Variants in AKT3 observed in about 807,000 individuals in gnomAD.
AKT3 encodes the protein RAC-gamma serine/threonine-protein kinase.
AKT3 carries 15 observed loss-of-function variants against 65.3 expected under a neutral mutation model. That is an observed-to-expected ratio of 0.23 (90% CI 0.15 to 0.35). AKT3 has a LOEUF of 0.35. AKT3 is among the 10% of genes least tolerant of loss of function. AKT3 has a pLI of 1.00. For synonymous variants in AKT3, 206 were observed against 183.8 expected, an observed-to-expected ratio of 1.12 and a Z score of -0.98; for missense variants, 243 against 576.5, an observed-to-expected ratio of 0.42 and a Z score of 5.92.
chr1:243,514,011 GTTTTT>G (rs999278690), intron 12 of AKT3, among the ~76,000 whole-genome samples: 3 of 151,866 alleles, frequency 2.0e-5, no homozygotes, highest in Admixed American at 6.6e-5. Context: ...GAACAATTTT[GTTTTT>G]TTTATTTTTT....
intron 4 of AKT3, among the ~76,000 whole-genome samples, chr1:243,650,434 G>T (rs549493222): frequency 6.6e-6 from 1 of 152,102 alleles, no homozygotes; most frequent in African/African-American, 2.4e-5. Context: ...GTCAATTTTC[G>T]CTTTTGTTGC....
At chr1:243,763,149 C>T (rs924698224) in intron 2 of AKT3, among the ~76,000 whole-genome samples, 5 of 152,004 alleles carry the variant, frequency 3.3e-5, no homozygotes, top group African/African-American at 9.7e-5. Context: ...TACTGAAATT[C>T]GCATACATTT....
intron 4 of AKT3, among the ~76,000 whole-genome samples, chr1:243,663,131 A>C (rs1201667695): frequency 2.0e-5 from 3 of 152,234 alleles, no homozygotes; most frequent in African/African-American, 7.2e-5. Context: ...TTAAATGAGC[A>C]AGGAAGCCAT....
chr1:243,806,897 A>C (rs940378545), intron 2 of AKT3, among the ~76,000 whole-genome samples: 1 of 152,152 alleles, frequency 6.6e-6, no homozygotes, highest in Admixed American at 6.5e-5. Flanking sequence ...CTTTCCTTGC[A>C]AATATGGATC....
At chr1:243,830,203 C>A (rs1328989957) in intron 2 of AKT3, among the ~76,000 whole-genome samples, 2 of 152,172 alleles carry the variant, frequency 1.3e-5, no homozygotes, top group African/African-American at 4.8e-5. Flanking sequence ...AGAATCTTTA[C>A]ATGGCATTTG....
At chr1:243,665,037 A>G (rs1198349782) in intron 3 of AKT3, among the ~76,000 whole-genome samples, 154 bp from the exon 4 acceptor site, 1 of 152,180 alleles carries the variant, frequency 6.6e-6, no homozygotes, top group Non-Finnish European at 1.5e-5. Context: ...GCCTGACCTT[A>G]GTCTTCCTTT....
intron 3 of AKT3, among the ~76,000 whole-genome samples, chr1:243,692,280 T>C (rs972695717): frequency 6.6e-6 from 1 of 152,076 alleles, no homozygotes; most frequent in Non-Finnish European, 1.5e-5. Flanking sequence ...GAGATGCCCA[T>C]ACTATACCCA....
intron 12 of AKT3, among the ~76,000 whole-genome samples, chr1:243,523,097 T>C (rs1670824223): frequency 6.6e-6 from 1 of 152,122 alleles, no homozygotes; most frequent in Non-Finnish European, 1.5e-5. Context: ...CAGCAATTTC[T>C]ATGTTCTGCA....
chr1:243,753,102 A>G (rs1045472652), intron 2 of AKT3, among the ~76,000 whole-genome samples: 10 of 152,174 alleles, frequency 6.6e-5, no homozygotes, highest in African/African-American at 2.4e-4. Flanking sequence ...ATATTTCAAA[A>G]TTTAAGCCCT....
chr1:243,726,162 GATAA>G (rs1687197639), intron 2 of AKT3, among the ~76,000 whole-genome samples: 1 of 152,096 alleles, frequency 6.6e-6, no homozygotes, highest in South Asian at 2.1e-4. Context: ...TCTTAAGTTT[GATAA>G]ATTTAGAATT....
chr1:243,849,821 C>G (rs1014707283), intron 1 of AKT3, among the ~76,000 whole-genome samples: 1 of 151,750 alleles, frequency 6.6e-6, no homozygotes, highest in Non-Finnish European at 1.5e-5. Flanking sequence ...GTCAACCGCG[C>G]TGGGCATCCC....
At chr1:243,820,176 C>T (rs1385369797) in intron 2 of AKT3, among the ~76,000 whole-genome samples, 1 of 152,206 alleles carries the variant, frequency 6.6e-6, no homozygotes, top group Admixed American at 6.5e-5. Context: ...GCCTCGGCCT[C>T]CCAAAGTGCT....
At chr1:243,795,045 C>T (rs1235004576) in intron 2 of AKT3, among the ~76,000 whole-genome samples, 1 of 152,004 alleles carries the variant, frequency 6.6e-6, no homozygotes, top group Non-Finnish European at 1.5e-5. Context: ...TCTGATAATA[C>T]TGGAGATTTT....
At chr1:243,713,773 A>AT (rs1686309475) in intron 2 of AKT3, among the ~76,000 whole-genome samples, 1 of 148,448 alleles carries the variant, frequency 6.7e-6, no homozygotes, top group Non-Finnish European at 1.5e-5. Flanking sequence ...AAAAAAAAAA[A>AT]ATCCCTTCTG....
At chr1:243,679,332 T>C (rs957478668) in intron 3 of AKT3, among the ~76,000 whole-genome samples, 5 of 152,236 alleles carry the variant, frequency 3.3e-5, no homozygotes, top group African/African-American at 1.2e-4. Context: ...AAGGGTCAAC[T>C]GTATTTCACT....
chr1:243,624,022 A>G lies in AKT3; in HGVS notation c.562-8861T>C, dbSNP rs371750374. On this transcript the variant is annotated intron_variant, in intron 6 of 13. Transcript: ENST00000673466. ...CTTTTCACTATCATAAACAATAACC[A>G]TGAGTCTTTTCTGAGTCTTGTGAGT... Among the ~76,000 whole-genome samples the G allele has an allele frequency of 2.7e-3, 409 of 152,228 alleles. 1 individual carries two copies. Among genetic ancestry groups the G allele is most frequent in the African/African-American group, 9.2e-3 (380 of 41,524 alleles).
chr1:243,630,472 G>A (rs1221587997), intron 6 of AKT3, among the ~76,000 whole-genome samples: 1 of 152,144 alleles, frequency 6.6e-6, no homozygotes, highest in Non-Finnish European at 1.5e-5. Flanking sequence ...GGGAGAAATT[G>A]GAAGAAATAA....
intron 5 of AKT3, among the ~76,000 whole-genome samples, chr1:243,641,662 G>A (rs996977490): frequency 1.1e-4 from 17 of 152,162 alleles, no homozygotes; most frequent in East Asian, 1.9e-4. Context: ...TTGGCTGGGC[G>A]TGGTGGCTCA....
intron 2 of AKT3, among the ~76,000 whole-genome samples, chr1:243,697,066 ATTAC>A (rs1466776689): frequency 6.6e-6 from 1 of 152,046 alleles, no homozygotes; most frequent in Non-Finnish European, 1.5e-5. Context: ...ATCCTTAAAT[ATTAC>A]TTAGAGCACC....
Sources: allele counts gnomAD v4.1 joint callset (sites outside exome capture counted in the v4.1 genomes callset), GRCh38; gene constraint gnomAD v4.1.1; transcripts MANE v1.5; gene names NCBI Gene and HGNC (gene_info 2026-07-23, HGNC 2026-07-21).